PREX1: variants seen among roughly 807,000 people sequenced by gnomAD.
The protein encoded by PREX1 is phosphatidylinositol-3,4,5-trisphosphate dependent Rac exchange factor 1.
A neutral mutation model predicts 198.3 loss-of-function variants in PREX1; 41 were observed. The observed-to-expected ratio is 0.21, with a 90% CI of 0.16 to 0.27. The LOEUF is 0.27. PREX1 is among the 10% of genes least tolerant of loss of function. The pLI is 1.00. For missense variants in PREX1, 1,620 were observed against 2,200.7 expected, an observed-to-expected ratio of 0.74 and a Z score of 5.28; for synonymous variants, 843 against 887.2, an observed-to-expected ratio of 0.95 and a Z score of 0.89.
At chr20:48,768,818 T>C (rs2090221102) in intron 1 of PREX1, among the ~76,000 whole-genome samples, 1 of 151,926 alleles carries the variant, frequency 6.6e-6, no homozygotes, top group South Asian at 2.1e-4. Context: ...GGATAAAGAC[T>C]GGCAAGGGGC....
chr20:48,812,384 G>C lies in PREX1; in HGVS notation c.219+15258C>G, dbSNP rs1460016940. 2.7e-5 allele frequency among the ~76,000 whole-genome samples: 4 copies of C among 150,032 alleles called. No homozygotes were observed. The South Asian group carries it at 8.4e-4, about 32-fold the overall frequency. The stretch of plus-strand genomic sequence containing the variant: ...ATGGGTAAATAATATAAGAGGAATG[G>C]GTAAATAATATAAGAGGAATGGGTA... On this transcript the variant is annotated intron_variant, in intron 1 of 39. Transcript: ENST00000371941.
intron 1 of PREX1, among the ~76,000 whole-genome samples, chr20:48,820,870 C>T (rs886704579): frequency 2.0e-5 from 3 of 152,306 alleles, no homozygotes; most frequent in South Asian, 2.1e-4. Flanking sequence ...TCCAGACCAA[C>T]GCTAGGGCCA....
intron 5 of PREX1, among the ~76,000 whole-genome samples, chr20:48,721,970 G>T (rs2092491): frequency 0.48 from 72,538 of 151,134 alleles, 18,826 homozygotes; most frequent in African/African-American, 0.69. Context: ...GATGGAGGGG[G>T]TGGTGGGGAG....
At chr20:48,856,727 CA>C in the PREX1 span, among the ~76,000 whole-genome samples, 4 of 152,348 alleles carry the variant, frequency 2.6e-5, no homozygotes, top group Middle Eastern at 3.4e-3. Flanking sequence ...CAACAGTTTG[CA>C]AAACAAATTA....
At position 48,803,488 on chromosome 20, in the gene PREX1, G is replaced by T. The variant is rs73609689; in HGVS notation, c.219+24154C>A. 3.6e-3 allele frequency among the ~76,000 whole-genome samples: 555 copies of T among 152,220 alleles called. 5 individuals are homozygous for T. Among genetic ancestry groups the T allele is most frequent in the South Asian group, 0.022 (104 of 4,820 alleles). ...GCCAGGAGTATTTTCAAGGAGTGGG[G>T]TAAGGGGGCAAAAGAGGTATGTACA... On this transcript the variant is annotated intron_variant, in intron 1 of 39. Coordinates refer to ENST00000371941, the MANE Select transcript of PREX1 (RefSeq NM_020820.4).
At chr20:48,788,246 G>A (rs957772888) in intron 1 of PREX1, among the ~76,000 whole-genome samples, 3 of 152,204 alleles carry the variant, frequency 2.0e-5, no homozygotes, top group African/African-American at 7.2e-5. Context: ...GATGTTTGGA[G>A]ATATGATGTA....
chr20:48,726,406 G>C lies in PREX1; in HGVS notation c.520-15C>G, dbSNP rs2090010219. On this transcript the variant is annotated splice_polypyrimidine_tract_variant and intron_variant, in intron 4 of 39. Coordinates refer to ENST00000371941, the MANE Select transcript of PREX1 (RefSeq NM_020820.4). ...AGCATGCAGCTCTGCAAAGGGACAGGAGACCTTCATGAAACCCACCAAGGA... is the reference window on the plus strand; with the variant it reads ...AGCATGCAGCTCTGCAAAGGGACAGCAGACCTTCATGAAACCCACCAAGGA... 2 of 1,602,712 alleles carry C rather than the reference G, an allele frequency of 1.2e-6. No homozygotes were observed. Among genetic ancestry groups the C allele is most frequent in the Non-Finnish European group, 1.7e-6 (2 of 1,171,926 alleles).
At chr20:48,878,888 G>A in the PREX1 span, among the ~76,000 whole-genome samples, 13 of 152,174 alleles carry the variant, frequency 8.5e-5, no homozygotes, top group African/African-American at 3.1e-4. Flanking sequence ...AAAGCTTTCT[G>A]TATGTTGATA....
At chr20:48,679,531 G>T in intron 12 of PREX1, 120 bp downstream of exon 12, 1 of 1,369,376 alleles carries the variant, frequency 7.3e-7, no homozygotes. Context: ...GGGCAGGGGT[G>T]AGTTGTGGGC....
At chr20:48,657,448 C>T (rs2089553854) in intron 17 of PREX1, among the ~76,000 whole-genome samples, 1 of 152,188 alleles carries the variant, frequency 6.6e-6, no homozygotes, top group African/African-American at 2.4e-5. Flanking sequence ...GGGGCCTGAC[C>T]CTGTTGTGTG....
chr20:48,681,146 G>C lies in PREX1; in HGVS notation c.1435+89C>G. The C allele has an allele frequency of 3.6e-6, 4 of 1,121,872 alleles. No homozygotes were observed. The South Asian group carries it at 3.9e-5, about 11-fold the overall frequency. 69.5% of individuals were successfully genotyped at this position (1,121,872 alleles called of 1,614,324 possible). A position where few individuals can be genotyped will look rare whatever the true frequency, so the allele number is the denominator to read the frequency against. ...AACACGGCGGCTGCACGAAAGGATA[G>C]GAGCTGCCTGAGCTAGTGGAAGCAT... On this transcript the variant is annotated intron_variant, in intron 11 of 39. Transcript: ENST00000371941.
Position 48,815,764 on chromosome 20 carries a change from G to A in PREX1, c.219+11878C>T, listed in dbSNP as rs139706425. 1.8e-3 allele frequency among the ~76,000 whole-genome samples: 280 copies of A among 152,202 alleles called. 5 individuals are homozygous for A. Among genetic ancestry groups the A allele is most frequent in the Non-Finnish European group, 2.0e-3 (133 of 68,022 alleles). ...CATTGCCTGTAATCTCAGCACTTTG[G>A]GAGTCAGCCGAGTGGGCAAATCACC... On this transcript the variant is annotated intron_variant, in intron 1 of 39. Transcript: ENST00000371941.
upstream of PREX1, among the ~76,000 whole-genome samples, chr20:48,831,832 T>C (rs556458614): frequency 6.6e-6 from 1 of 152,218 alleles, no homozygotes; most frequent in Admixed American, 6.5e-5. Flanking sequence ...GCCAGGGGCC[T>C]CAGCCTTGGC....
chr20:48,679,328 G>A (rs374197405), intron 13 of PREX1, 32 bp downstream of exon 13: 48 of 1,588,918 alleles, frequency 3.0e-5, no homozygotes, highest in South Asian at 1.1e-5. Flanking sequence ...AAGAGGTAGA[G>A]GTGAAATTGG....
chr20:48,701,747 T>C (rs1482374173), intron 6 of PREX1, among the ~76,000 whole-genome samples: 1 of 152,138 alleles, frequency 6.6e-6, no homozygotes, highest in Non-Finnish European at 1.5e-5. Flanking sequence ...GGGCATTTCA[T>C]CTAGCTAAGC....
intron 1 of PREX1, among the ~76,000 whole-genome samples, chr20:48,773,683 T>A (rs2090247772): frequency 6.6e-6 from 1 of 151,754 alleles, no homozygotes. Context: ...GAGGGCGAGG[T>A]GAGAGCAGGA....
At chr20:48,784,169 C>T (rs1297235088) in intron 1 of PREX1, among the ~76,000 whole-genome samples, 1 of 152,128 alleles carries the variant, frequency 6.6e-6, no homozygotes, top group Non-Finnish European at 1.5e-5. Context: ...ACTTTTCTGA[C>T]CATCAGAGAG....
At chr20:48,820,142 A>T (rs1429697201) in intron 1 of PREX1, among the ~76,000 whole-genome samples, 1 of 152,228 alleles carries the variant, frequency 6.6e-6, no homozygotes, top group Non-Finnish European at 1.5e-5. Flanking sequence ...TGACCACAAG[A>T]CAAAAGAAGA....
intron 27 of PREX1, chr20:48,642,726 C>T: frequency 2.2e-6 from 1 of 449,316 alleles, no homozygotes. Flanking sequence ...TTGTAAAGCA[C>T]TGCTACTGTT....
Sources: allele counts gnomAD v4.1 joint callset (sites outside exome capture counted in the v4.1 genomes callset), GRCh38; gene constraint gnomAD v4.1.1; transcripts MANE v1.5; gene names NCBI Gene and HGNC (gene_info 2026-07-23, HGNC 2026-07-21).